The following PCDHGB5 variants were observed in gnomAD, a reference collection of about 807,000 sequenced individuals.
PCDHGB5 encodes protocadherin gamma subfamily B, 5.
Under a neutral mutation model 62.9 loss-of-function variants are expected in PCDHGB5, and 48 were observed. The observed-to-expected ratio is 0.76, with a 90% CI of 0.61 to 0.97. The LOEUF is 0.97. Among genes scored for constraint, PCDHGB5 ranks in the 50% least tolerant of loss-of-function variants. The pLI is 0.00. For synonymous variants in PCDHGB5, 474 were observed against 511.2 expected (o/e 0.93, Z 0.98); for missense variants, 1,118 against 1,198.6 (o/e 0.93, Z 0.99).
At position 141,431,574 on chromosome 5, in the gene PCDHGB5, G is replaced by T. The variant is rs1476143491; in HGVS notation, c.2397+31050G>T. The T allele has an allele frequency of 6.2e-7, 1 of 1,614,196 alleles. No homozygotes were observed. Among genetic ancestry groups the T allele is most frequent in the Admixed American group, 1.7e-5 (1 of 60,034 alleles). On this transcript the variant is annotated intron_variant, in intron 1 of 3. Transcript: ENST00000617380. This position sits in a 1 kb window ranked among gnomAD's most constrained non-coding sequence, Gnocchi z 4.8. The stretch of plus-strand genomic sequence containing the variant: ...GTCAACGCTACCGACCCTGACGAAG[G>T]AGTCAATGCGGAAGTGAGGTATTCC...
At chr5:141,482,371 T>C (rs1191880709) in intron 1 of PCDHGB5, among the ~76,000 whole-genome samples, 2 of 152,100 alleles carry the variant, frequency 1.3e-5, no homozygotes, top group African/African-American at 2.4e-5. Flanking sequence ...AAGTAATGCA[T>C]ATAAAGTCCC....
chr5:141,423,730 A>G, intron 1 of PCDHGB5: 1 of 831,022 alleles, frequency 1.2e-6, no homozygotes. Flanking sequence ...ATGTTTTTTG[A>G]GCCTGTTATG....
At chr5:141,424,577 A>T (rs958508704) in intron 1 of PCDHGB5, 1 of 152,206 alleles carries the variant, frequency 6.6e-6, no homozygotes, top group Non-Finnish European at 1.5e-5. Context: ...ACCTATTTTC[A>T]AATGTGCTAA....
intron 1 of PCDHGB5, chr5:141,417,728 T>A: frequency 7.3e-7 from 1 of 1,373,610 alleles, no homozygotes; most frequent in Non-Finnish European, 9.6e-7. Flanking sequence ...GCGCAGACCT[T>A]GCCCAGCACA....
intron 1 of PCDHGB5, chr5:141,418,301 C>T: frequency 6.2e-7 from 1 of 1,613,980 alleles, no homozygotes; most frequent in South Asian, 1.1e-5. Context: ...ATCCGTCAGC[C>T]TGGGGATGGG....
intron 1 of PCDHGB5, chr5:141,422,451 C>A: frequency 6.2e-7 from 1 of 1,611,518 alleles, no homozygotes; most frequent in East Asian, 2.2e-5. Context: ...TGATAACAAG[C>A]AGAGTGCTGG....
At chr5:141,412,286 G>A (rs150947924) in intron 1 of PCDHGB5, 104 of 152,170 alleles carry the variant, frequency 6.8e-4, no homozygotes, top group African/African-American at 2.3e-3. Flanking sequence ...CAAATTCTAC[G>A]TATTTCTTTT....
At position 141,431,782 on chromosome 5, in the gene PCDHGB5, C is replaced by A. The variant is rs767269112; in HGVS notation, c.2397+31258C>A. The A allele has an allele frequency of 6.2e-7, 1 of 1,614,082 alleles. No homozygotes were observed. On this transcript the variant is annotated intron_variant, in intron 1 of 3. Transcript: ENST00000617380. This position sits in a 1 kb window ranked among gnomAD's most constrained non-coding sequence, Gnocchi z 4.8. Reference sequence around the variant, plus strand: ...TCCTGATCACTGTTCTGGACGTGAACGACAATGCCCCAGAAGTGGTCCTCA... The same window carrying A: ...TCCTGATCACTGTTCTGGACGTGAAAGACAATGCCCCAGAAGTGGTCCTCA...
At position 141,489,577 on chromosome 5, in the gene PCDHGB5, C is replaced by A. The variant is rs918238376; in HGVS notation, c.2398-5230C>A. The stretch of plus-strand genomic sequence containing the variant: ...GCCAGTGCAGGTGGTGACTGAACAC[C>A]CCCTGGAGCTAATCCGTGTAGAGGT... On this transcript the variant is annotated intron_variant, in intron 1 of 3. Coordinates refer to ENST00000617380, the MANE Select transcript of PCDHGB5 (RefSeq NM_018925.3). This position sits in a 1 kb window ranked among gnomAD's most constrained non-coding sequence, Gnocchi z 4.5. The A allele has an allele frequency of 6.2e-7, 1 of 1,613,894 alleles. No individual in the cohort carries two copies. The highest frequency in any genetic ancestry group is 8.5e-7 in the Non-Finnish European group (1 of 1,180,000).
intron 2 of PCDHGB5, among the ~76,000 whole-genome samples, chr5:141,503,423 C>T (rs1018496430): frequency 6.6e-6 from 1 of 151,752 alleles, no homozygotes; most frequent in Non-Finnish European, 1.5e-5. Context: ...GGTGAAACCC[C>T]ATCTCTACTA....
intron 1 of PCDHGB5, among the ~76,000 whole-genome samples, chr5:141,450,006 C>CTATTTT (rs70988802): frequency 0.12 from 16,177 of 132,696 alleles, 1,810 homozygotes; most frequent in African/African-American, 0.21. Flanking sequence ...TGCCATGTCT[C>CTATTTT]TTTTTTTTTT....
At chr5:141,411,954 A>T (rs563669924) in intron 1 of PCDHGB5, 1 of 152,382 alleles carries the variant, frequency 6.6e-6, no homozygotes, top group East Asian at 1.9e-4. Flanking sequence ...TTTTGAAGAA[A>T]AAAGATAAAA....
chr5:141,409,442 C>T, intron 1 of PCDHGB5: 2 of 1,613,998 alleles, frequency 1.2e-6, no homozygotes, highest in Non-Finnish European at 1.7e-6. Flanking sequence ...GGACCGAGAG[C>T]AGACACCAGA....
intron 1 of PCDHGB5, chr5:141,478,544 C>G (rs1371505487): frequency 6.2e-7 from 1 of 1,605,660 alleles, no homozygotes; most frequent in Admixed American, 1.7e-5. Flanking sequence ...CCCTCCCGGA[C>G]AGGTAAGGTT....
chr5:141,408,974 G>C lies in PCDHGB5; in HGVS notation c.2397+8450G>C, dbSNP rs899313364. 8.7e-6 allele frequency: 14 copies of C among 1,613,690 alleles called. No individual in the cohort carries two copies. In the African/African-American group the frequency reaches 1.9e-4, roughly 22 times the overall value. On this transcript the variant is annotated intron_variant, in intron 1 of 3. Transcript: ENST00000617380. ...TAGTCTTAGTGAAAATCTGCCCCCT[G>C]GGTCCCCTGTGTTGCAAGTGACAGC...
intron 2 of PCDHGB5, among the ~76,000 whole-genome samples, chr5:141,501,420 T>C (rs1429838126): frequency 6.6e-6 from 1 of 152,006 alleles, no homozygotes; most frequent in Non-Finnish European, 1.5e-5. Context: ...AATAGTTGAC[T>C]AAATGTAGTC....
chr5:141,505,443 C>A lies in PCDHGB5; in HGVS notation c.2507C>A (p.Thr836Lys). ...TGTWPNNQFD[T>K]EMLQAMILAS... ...ACCTGGCCCAACAACCAGTTTGACA[C>A]AGAGATGCTGCAAGCCATGATCTTG... Residue 836 changes from threonine to lysine, a missense_variant, in exon 3 of 4, where the codon ACA becomes AAA. Physicochemically the swap from Thr to Lys is moderately conservative, Grantham distance 78. Transcript: ENST00000617380. 2 of 1,614,224 alleles carry A rather than the reference C, an allele frequency of 1.2e-6. No homozygotes were observed. Among genetic ancestry groups the A allele is most frequent in the Non-Finnish European group, 8.5e-7 (1 of 1,180,042 alleles).
At position 141,476,602 on chromosome 5, in the gene PCDHGB5, C is replaced by T; in HGVS notation, c.2398-18205C>T. 6.2e-7 allele frequency: 1 copy of T among 1,614,208 alleles called. No homozygotes were observed. Among genetic ancestry groups the T allele is most frequent in the Middle Eastern group, 1.6e-4 (1 of 6,062 alleles). Reference sequence around the variant, plus strand: ...TTCCGCTCGAGAGCGCGCACGATCCCGATGTGGGAAGCAACTCTTTACAAA... The same window carrying T: ...TTCCGCTCGAGAGCGCGCACGATCCTGATGTGGGAAGCAACTCTTTACAAA... On this transcript the variant is annotated intron_variant, in intron 1 of 3. Coordinates refer to ENST00000617380, the MANE Select transcript of PCDHGB5 (RefSeq NM_018925.3). The surrounding 1 kb of genome is among the most constrained non-coding windows in gnomAD (Gnocchi z 7.6).
At chr5:141,408,051 C>A in intron 1 of PCDHGB5, 3 of 1,264,368 alleles carry the variant, frequency 2.4e-6, no homozygotes, top group Non-Finnish European at 3.2e-6. Context: ...CCACACAGAG[C>A]CTCCCGGCTG....
Sources: allele counts gnomAD v4.1 joint callset (sites outside exome capture counted in the v4.1 genomes callset), GRCh38; gene constraint gnomAD v4.1.1; non-coding constraint Gnocchi (gnomAD v3.1); transcripts MANE v1.5; gene names NCBI Gene and HGNC (gene_info 2026-07-23, HGNC 2026-07-21).